ANLN: variants seen among roughly 807,000 people sequenced by gnomAD.
ANLN encodes the protein anillin.
Under a neutral mutation model 135.1 loss-of-function variants are expected in ANLN, and 59 were observed. That is an observed-to-expected ratio of 0.44 (90% CI 0.35 to 0.54). ANLN has a LOEUF of 0.54. ANLN is among the 20% of genes least tolerant of loss of function. The pLI is 0.00. For synonymous variants in ANLN, 406 were observed against 456.4 expected, an observed-to-expected ratio of 0.89 and a Z score of 1.41; for missense variants, 1,182 against 1,340.0, an observed-to-expected ratio of 0.88 and a Z score of 1.84.
intron 7 of ANLN, among the ~76,000 whole-genome samples, chr7:36,412,234 G>A (rs1017636577): frequency 6.7e-6 from 1 of 149,842 alleles, no homozygotes; most frequent in African/African-American, 2.5e-5. Flanking sequence ...AGTTACTGCT[G>A]TAGCTTTGTA....
chr7:36,414,357 A>T (rs912778633), intron 7 of ANLN, among the ~76,000 whole-genome samples: 6 of 152,144 alleles, frequency 3.9e-5, no homozygotes, highest in African/African-American at 1.4e-4. Context: ...AAGGGGTGAT[A>T]ATTGATGGGA....
intron 7 of ANLN, among the ~76,000 whole-genome samples, chr7:36,413,219 C>A (rs548659158): frequency 6.6e-6 from 1 of 152,276 alleles, no homozygotes; most frequent in Non-Finnish European, 1.5e-5. Context: ...CCATTCCCCT[C>A]CTTTTCTTTG....
chr7:36,442,183 A>G (rs935597194), intron 21 of ANLN, among the ~76,000 whole-genome samples: 1 of 152,268 alleles, frequency 6.6e-6, no homozygotes, highest in Non-Finnish European at 1.5e-5. Context: ...ATTTAAAAAT[A>G]CTTAGAGGAG....
At chr7:36,403,267 T>C (rs73330547) in intron 3 of ANLN, among the ~76,000 whole-genome samples, 8,981 of 152,178 alleles carry the variant, frequency 0.059, 783 homozygotes, top group African/African-American at 0.18. Context: ...AGAGGTCAGA[T>C]TCCTGGCCTC....
At chr7:36,438,288 TA>T (rs1210785930) in intron 20 of ANLN, among the ~76,000 whole-genome samples, 4 of 152,196 alleles carry the variant, frequency 2.6e-5, no homozygotes, top group Admixed American at 2.0e-4. Context: ...CAGTTGGCCA[TA>T]AGATGTATGG....
Position 36,415,743 on chromosome 7 carries a change from A to G in ANLN, c.1396-15A>G, listed in dbSNP as rs375950563. On this transcript the variant is annotated splice_polypyrimidine_tract_variant and intron_variant, in intron 7 of 23. Coordinates refer to ENST00000265748, the MANE Select transcript of ANLN (RefSeq NM_018685.5). ...TTTTGAGAAATAAAATTTACTTTTC[A>G]TTCGCTTTTTGCAGGAAACTCACTG... The G allele has an allele frequency of 3.2e-6, 5 of 1,567,968 alleles. No homozygotes were observed. Among genetic ancestry groups the G allele is most frequent in the African/African-American group, 2.8e-5 (2 of 72,284 alleles).
chr7:36,423,809 T>C lies in ANLN; in HGVS notation c.2477-8T>C. The C allele has an allele frequency of 6.2e-7, 1 of 1,607,124 alleles. No individual in the cohort carries two copies. Among genetic ancestry groups the C allele is most frequent in the Non-Finnish European group, 8.5e-7 (1 of 1,177,408 alleles). On this transcript the variant is annotated splice_region_variant and splice_polypyrimidine_tract_variant and intron_variant, in intron 14 of 23. Coordinates refer to ENST00000265748, the MANE Select transcript of ANLN (RefSeq NM_018685.5). Reference sequence around the variant, plus strand: ...GTGCTTACTATGTAATATGATTACTTCTTACAGATGCAGCAAATTACTATT... The same window carrying C: ...GTGCTTACTATGTAATATGATTACTCCTTACAGATGCAGCAAATTACTATT...
intron 1 of ANLN, among the ~76,000 whole-genome samples, chr7:36,392,681 T>C (rs1051187912): frequency 6.6e-6 from 1 of 152,020 alleles, no homozygotes; most frequent in Non-Finnish European, 1.5e-5. Context: ...TAATTTCTTT[T>C]AATTTAATAA....
Position 36,399,186 on chromosome 7 carries a change from A to G in ANLN, c.280A>G (p.Lys94Glu), listed in dbSNP as rs770251668. Residue 94 changes from lysine to glutamate, a missense_variant, in exon 3 of 24, where the codon AAA becomes GAA. Coordinates refer to ENST00000265748, the MANE Select transcript of ANLN (RefSeq NM_018685.5). The part of the protein sequence containing the change: ...NKQPVESTSA[K>E]SCSPSPVSPQ... Reference sequence around the variant, plus strand: ...ACAACCAGTTGAGTCGACATCTGCAAAATCTTGTTCTCCAAGTCCTGTGTC... The same window carrying G: ...ACAACCAGTTGAGTCGACATCTGCAGAATCTTGTTCTCCAAGTCCTGTGTC... The G allele has an allele frequency of 6.2e-7, 1 of 1,614,168 alleles. No homozygotes were observed.
intron 9 of ANLN, among the ~76,000 whole-genome samples, chr7:36,417,674 CTTTTTTTTTTTT>C (rs70977138): frequency 1.0e-5 from 1 of 97,256 alleles, no homozygotes; most frequent in Non-Finnish European, 2.0e-5. Flanking sequence ...CTCAAACTTC[CTTTTTTTTTTTT>C]TTTTTTTTTT....
At chr7:36,410,786 C>A in intron 6 of ANLN, 82 bp downstream of exon 6, 1 of 1,363,736 alleles carries the variant, frequency 7.3e-7, no homozygotes, top group Non-Finnish European at 1.0e-6. Flanking sequence ...TGATGCCAGT[C>A]TTTTTGACTG....
chr7:36,392,379 A>G (rs1786513777), intron 1 of ANLN, among the ~76,000 whole-genome samples: 1 of 152,164 alleles, frequency 6.6e-6, no homozygotes, highest in Non-Finnish European at 1.5e-5. Flanking sequence ...GGAAATTAGT[A>G]AAATCTCCTA....
chr7:36,419,121 A>G, intron 9 of ANLN, 123 bp from the exon 10 acceptor site: 1 of 621,146 alleles, frequency 1.6e-6, no homozygotes, highest in Non-Finnish European at 2.7e-6. Flanking sequence ...TCTTTTTAGG[A>G]GGTGCTTTTT....
chr7:36,430,946 T>C (rs1788287574), intron 20 of ANLN, among the ~76,000 whole-genome samples: 1 of 152,134 alleles, frequency 6.6e-6, no homozygotes, highest in Non-Finnish European at 1.5e-5. Context: ...GGGGGAGGGG[T>C]AGTAAACTTG....
Position 36,407,842 on chromosome 7 carries a change from G to A in ANLN, c.982G>A (p.Gly328Arg). Residue 328 changes from glycine (G) to arginine (R), a missense_variant, in exon 5 of 24, where the codon GGG becomes AGG. By Grantham distance (125) the Gly-to-Arg change is moderately radical. Coordinates refer to ENST00000265748, the MANE Select transcript of ANLN (RefSeq NM_018685.5). ...AACTCCTATTAGTCCTCTGAAAACGGGGGTATCGAAACCAATTGTGAAGTC... is the reference window on the plus strand; with the variant it reads ...AACTCCTATTAGTCCTCTGAAAACGAGGGTATCGAAACCAATTGTGAAGTC... ...PKTPISPLKT[G>R]VSKPIVKSTL... 1 of 1,613,840 alleles carries A rather than the reference G, an allele frequency of 6.2e-7. No homozygotes were observed. Among genetic ancestry groups the A allele is most frequent in the Non-Finnish European group, 8.5e-7 (1 of 1,179,822 alleles).
Position 36,396,277 on chromosome 7 carries a change from G to A in ANLN, c.30G>A (p.Glu10=). 1 of 1,601,332 alleles carries A rather than the reference G, an allele frequency of 6.2e-7. No homozygotes were observed. Among genetic ancestry groups the A allele is most frequent in the Non-Finnish European group, 8.5e-7 (1 of 1,171,814 alleles). The change falls in exon 2 of 24, where the codon GAG becomes GAA. Residue 10 remains glutamate (E), a synonymous_variant. Coordinates refer to ENST00000265748, the MANE Select transcript of ANLN (RefSeq NM_018685.5). MDPFTEKLL[E]RTRARRENLQ... ...ATTTATTTATGTAGAAACTGCTGGAGCGAACCCGTGCCAGGCGAGAGAATC... is the reference window on the plus strand; with the variant it reads ...ATTTATTTATGTAGAAACTGCTGGAACGAACCCGTGCCAGGCGAGAGAATC...
At chr7:36,414,178 G>T (rs1169932049) in intron 7 of ANLN, among the ~76,000 whole-genome samples, 1 of 152,190 alleles carries the variant, frequency 6.6e-6, no homozygotes, top group Non-Finnish European at 1.5e-5. Context: ...AGGTGGTGCT[G>T]TGTCGAGGAG....
At chr7:36,430,709 C>G (rs1364519065) in intron 20 of ANLN, among the ~76,000 whole-genome samples, 1 of 152,186 alleles carries the variant, frequency 6.6e-6, no homozygotes, top group Non-Finnish European at 1.5e-5. Flanking sequence ...ATGCCCTGAA[C>G]TATCCAGTTT....
Position 36,391,902 on chromosome 7 carries a change from C to T in ANLN, c.18+1858C>T, listed in dbSNP as rs1045779309. On this transcript the variant is annotated intron_variant, in intron 1 of 23. Transcript: ENST00000265748. Reference sequence around the variant, plus strand: ...CTTTTCCTCAAACAAGACTGTTCTGCATTGGTCTTCCTCCCTGTGGTCGCT... The same window carrying T: ...CTTTTCCTCAAACAAGACTGTTCTGTATTGGTCTTCCTCCCTGTGGTCGCT... Among the ~76,000 whole-genome samples, 4 of 151,876 alleles carry T rather than the reference C, an allele frequency of 2.6e-5. No homozygotes were observed. The South Asian group carries it at 8.3e-4, about 32-fold the overall frequency.
Sources: gnomAD v4.1 joint callset for allele counts (sites outside exome capture counted in the v4.1 genomes callset) on GRCh38, gnomAD v4.1.1 for gene constraint, MANE v1.5 for transcripts, NCBI Gene and HGNC (gene_info 2026-07-23, HGNC 2026-07-21) for gene names.